CLASP1: variants seen among roughly 807,000 people sequenced by gnomAD.
CLASP1 encodes the protein CLIP-associating protein 1.
CLASP1 carries 38 observed loss-of-function variants against 192.3 expected under a neutral mutation model. The ratio of observed to expected loss-of-function variants is 0.20; its 90% CI spans 0.15 to 0.26. The LOEUF (loss-of-function observed/expected upper bound fraction) is 0.26, where lower values mean the gene tolerates loss of function less well. CLASP1 is among the 10% of genes least tolerant of loss of function. The probability of loss-of-function intolerance (pLI) is 1.00; values close to 1 mark genes in which losing one functional copy is unlikely to be tolerated. For missense variants in CLASP1, 1,433 were observed against 1,932.5 expected (o/e 0.74, Z 4.85); for synonymous variants, 691 against 712.8 (o/e 0.97, Z 0.49).
intron 2 of CLASP1, among the ~76,000 whole-genome samples, chr2:121,577,902 T>C (rs1411231475): frequency 6.6e-6 from 1 of 152,064 alleles, no homozygotes; most frequent in Admixed American, 6.6e-5. Context: ...CAGACGACCC[T>C]ATCTCTACAA....
intron 18 of CLASP1, 146 bp downstream of exon 18, chr2:121,448,130 C>A (rs1361304052): frequency 3.0e-6 from 2 of 670,678 alleles, no homozygotes; most frequent in East Asian, 2.6e-5. Context: ...GCTGGAGAGT[C>A]AGGGCAGGGC....
At chr2:121,530,002 G>A (rs2094716187) in intron 3 of CLASP1, among the ~76,000 whole-genome samples, 1 of 152,092 alleles carries the variant, frequency 6.6e-6, no homozygotes, top group African/African-American at 2.4e-5. Flanking sequence ...AAGGGCGCCC[G>A]CAGGCCCAGA....
intron 39 of CLASP1, among the ~76,000 whole-genome samples, chr2:121,341,331 C>T (rs1479533674): frequency 6.6e-6 from 1 of 152,216 alleles, no homozygotes; most frequent in Non-Finnish European, 1.5e-5. Flanking sequence ...GGGTGAGAAC[C>T]CCGCTCCACA....
chr2:121,508,232 C>CA (rs111956780), intron 7 of CLASP1, among the ~76,000 whole-genome samples: 8,177 of 151,774 alleles, frequency 0.054, 686 homozygotes, highest in African/African-American at 0.18. Flanking sequence ...ATGACAATAG[C>CA]AAAAAAAGAA....
chr2:121,629,437 T>A (rs924923995), intron 1 of CLASP1, among the ~76,000 whole-genome samples: 7 of 151,890 alleles, frequency 4.6e-5, no homozygotes, highest in Admixed American at 4.6e-4. Context: ...TCTGTTCTTA[T>A]TGGACTTTAA....
intron 39 of CLASP1, among the ~76,000 whole-genome samples, chr2:121,344,095 A>G (rs2063134116): frequency 6.6e-6 from 1 of 152,022 alleles, no homozygotes; most frequent in African/African-American, 2.4e-5. Flanking sequence ...ACAATGGTAA[A>G]TTTTATTATA....
intron 34 of CLASP1, among the ~76,000 whole-genome samples, chr2:121,371,395 ATAAAT>A (rs2068692378): frequency 6.6e-6 from 1 of 151,712 alleles, no homozygotes; most frequent in African/African-American, 2.4e-5. Flanking sequence ...CCACATCTAG[ATAAAT>A]TAAATTTTTT....
At chr2:121,344,078 AAC>A (rs1009373825) in intron 39 of CLASP1, among the ~76,000 whole-genome samples, 9 of 152,138 alleles carry the variant, frequency 5.9e-5, no homozygotes, top group Non-Finnish European at 1.0e-4. Context: ...CTCAAAAAAA[AAC>A]AGTTACAATG....
intron 16 of CLASP1, 50 bp downstream of exon 16, chr2:121,450,863 T>C (rs1365222995): frequency 7.8e-7 from 1 of 1,278,140 alleles, no homozygotes; most frequent in Middle Eastern, 2.4e-4. Context: ...ATAATTCATG[T>C]GAAATATAGA....
At chr2:121,536,230 A>G (rs1034513978) in intron 2 of CLASP1, among the ~76,000 whole-genome samples, 2 of 151,450 alleles carry the variant, frequency 1.3e-5, no homozygotes, top group African/African-American at 2.4e-5. Flanking sequence ...AAATACAAAA[A>G]ATTAGCCGGG....
rs2078186895 is a variant in CLASP1, at chr2:121,414,205, T to C, written c.2321-3236A>G. On this transcript the variant is annotated intron_variant, in intron 23 of 39. Transcript: ENST00000263710. The stretch of plus-strand genomic sequence containing the variant: ...TGGACCTGGAATGACGTCGAGAGGC[T>C]GCAGGTAAAAGGAATGGCAACACCC... Among the ~76,000 whole-genome samples the C allele has an allele frequency of 6.6e-6, 1 of 152,100 alleles. No homozygotes were observed. Among genetic ancestry groups the C allele is most frequent in the Non-Finnish European group, 1.5e-5 (1 of 68,024 alleles).
intron 2 of CLASP1, among the ~76,000 whole-genome samples, chr2:121,586,417 G>A (rs2061720335): frequency 6.6e-6 from 1 of 152,114 alleles, no homozygotes; most frequent in Non-Finnish European, 1.5e-5. Context: ...GTGAGACACT[G>A]CACCTAGCCC....
In CLASP1 at chr2:121,530,855, T is replaced by G. The variant is rs1165906248; in HGVS notation, c.196-530A>C. The G allele has an allele frequency of 4.5e-6, 3 of 669,792 alleles. No individual in the cohort carries two copies. The African/African-American group carries it at 5.3e-5, about 12-fold the overall frequency. 41.5% of individuals were successfully genotyped at this position (669,792 alleles called of 1,614,324 possible). A position where few individuals can be genotyped will look rare whatever the true frequency, so the allele number is the denominator to read the frequency against. ...CCTACCAGGTATTGGCGCTTCCTGC[T>G]TGCAGCCCAGGGACTTTCTATTATA... On this transcript the variant is annotated intron_variant, in intron 2 of 39. Coordinates refer to ENST00000263710, the Ensembl canonical transcript of CLASP1.
intron 23 of CLASP1, among the ~76,000 whole-genome samples, chr2:121,416,413 T>TTTG (rs927795848): frequency 4.6e-5 from 7 of 152,306 alleles, no homozygotes; most frequent in South Asian, 4.1e-4. Flanking sequence ...TGTCATTCTT[T>TTTG]TTGTTGTTGT....
chr2:121,452,500 T>C (rs552863839), intron 14 of CLASP1, among the ~76,000 whole-genome samples: 1 of 152,314 alleles, frequency 6.6e-6, no homozygotes, highest in East Asian at 1.9e-4. Flanking sequence ...TACAAAATTT[T>C]CTTTTTCTGG....
At chr2:121,445,330 AG>A (rs2084123744) in intron 19 of CLASP1, 4 of 470,020 alleles carry the variant, frequency 8.5e-6, no homozygotes, top group South Asian at 7.3e-5. Context: ...AGGAACTAGA[AG>A]CTAAAATACT....
chr2:121,357,235 C>A (rs1388999090), intron 37 of CLASP1, among the ~76,000 whole-genome samples: 3 of 152,158 alleles, frequency 2.0e-5, no homozygotes, highest in Non-Finnish European at 4.4e-5. Flanking sequence ...TAGAGAAATG[C>A]AGTTATATCT....
chr2:121,528,036 G>A, intron 4 of CLASP1, 146 bp from the exon 5 acceptor site: 3 of 587,496 alleles, frequency 5.1e-6, no homozygotes, highest in South Asian at 2.2e-5. Flanking sequence ...AGAGCATACT[G>A]GAAAATGATG....
At chr2:121,516,122 T>C (rs997610048) in intron 6 of CLASP1, among the ~76,000 whole-genome samples, 1 of 152,124 alleles carries the variant, frequency 6.6e-6, no homozygotes, top group Admixed American at 6.5e-5. Flanking sequence ...TAAAATACCA[T>C]GTAAAACACT....
Sources: gnomAD v4.1 joint callset for allele counts (sites outside exome capture counted in the v4.1 genomes callset) on GRCh38, gnomAD v4.1.1 for gene constraint, MANE v1.5 for transcripts, NCBI Gene and HGNC (gene_info 2026-07-23, HGNC 2026-07-21) for gene names.